BEND4: variants seen among roughly 807,000 people sequenced by gnomAD.
The protein encoded by BEND4 is BEN domain-containing protein 4.
BEND4 carries 27 observed loss-of-function variants against 54.7 expected under a neutral mutation model. That is an observed-to-expected ratio of 0.49 (90% CI 0.36 to 0.68). The LOEUF is 0.68. BEND4 is among the 30% of genes least tolerant of loss of function. BEND4 has a pLI of 0.00. For synonymous variants in BEND4, 327 were observed against 299.5 expected (o/e 1.09, Z -0.95); for missense variants, 702 against 697.2 (o/e 1.01, Z -0.08).
intron 4 of BEND4, among the ~76,000 whole-genome samples, chr4:42,122,605 G>A (rs905307557): frequency 1.3e-5 from 2 of 152,100 alleles, no homozygotes; most frequent in African/African-American, 4.8e-5. Flanking sequence ...CATAGATGAG[G>A]AGCCACTAAA....
rs1719632157 is a variant in BEND4 at position 42,112,920 on chromosome 4, C to T, written c.*4598G>A. 1 of 152,190 alleles carries T rather than the reference C, an allele frequency of 6.6e-6. No individual in the cohort carries two copies. Among genetic ancestry groups the T allele is most frequent in the African/African-American group, 2.4e-5 (1 of 41,460 alleles). 9.4% of individuals were successfully genotyped at this position (152,190 alleles called of 1,614,324 possible). A position where few individuals can be genotyped will look rare whatever the true frequency, so the allele number is the denominator to read the frequency against. Reference sequence around the variant, plus strand: ...TGTAACTTTGCAGAGGACTACCCATCTGCTGGGTGACGTTTTCCTACATTA... The same window carrying T: ...TGTAACTTTGCAGAGGACTACCCATTTGCTGGGTGACGTTTTCCTACATTA... On this transcript the variant is annotated 3_prime_UTR_variant, in exon 6 of 6. Transcript: ENST00000502486.
chr4:42,144,323 C>T (rs1209936972), intron 2 of BEND4, among the ~76,000 whole-genome samples: 1 of 152,142 alleles, frequency 6.6e-6, no homozygotes, highest in African/African-American at 2.4e-5. Context: ...CATTAATATC[C>T]TTACTCTAAG....
rs1191826026 is a variant in BEND4, at chr4:42,113,760, GA to G, written c.*3757del. ...TCAATGTGTCTGTCACTGACAAAGGGATAAGGAACAATGCAGAATACCCGAT... is the reference window on the plus strand; with the variant it reads ...TCAATGTGTCTGTCACTGACAAAGGGTAAGGAACAATGCAGAATACCCGAT... On this transcript the variant is annotated 3_prime_UTR_variant, in exon 6 of 6. Transcript: ENST00000502486. 1 of 152,146 alleles carries G rather than the reference GA, an allele frequency of 6.6e-6. No homozygotes were observed. The highest frequency in any genetic ancestry group is 2.4e-5 in the African/African-American group (1 of 41,422). 9.4% of individuals were successfully genotyped at this position (152,146 alleles called of 1,614,324 possible). A position where few individuals can be genotyped will look rare whatever the true frequency, so the allele number is the denominator to read the frequency against.
intron 3 of BEND4, among the ~76,000 whole-genome samples, chr4:42,136,850 G>C (rs760342149): frequency 1.3e-5 from 2 of 152,184 alleles, no homozygotes; most frequent in South Asian, 4.1e-4. Context: ...CTCAACCAGC[G>C]TTAATTATTA....
chr4:42,142,080 T>C, intron 3 of BEND4, among the ~76,000 whole-genome samples: 1 of 118,114 alleles, frequency 8.5e-6, no homozygotes, highest in Non-Finnish European at 2.0e-5. Context: ...CTTTTGTGTA[T>C]TTTTTTAGTA....
intron 4 of BEND4, among the ~76,000 whole-genome samples, chr4:42,121,022 T>C (rs1720037867): frequency 6.6e-6 from 1 of 152,200 alleles, no homozygotes; most frequent in African/African-American, 2.4e-5. Flanking sequence ...TAAGCCATGT[T>C]TAATCAATTG....
In BEND4 at chr4:42,151,846, A is replaced by G; in HGVS notation, c.298T>C (p.Ser100Pro). The G allele has an allele frequency of 7.5e-7, 1 of 1,330,604 alleles. No individual in the cohort carries two copies. The allele number at this position is 1,330,604 out of a possible 1,614,324, so 82.4% of individuals were successfully genotyped here. A position where few individuals can be genotyped will look rare whatever the true frequency, so the allele number is the denominator to read the frequency against. ...GTGGCGGGCGTGCAGGACGGCGACG[A>G]CGACGAAGCGGCGGCGGCGGCCCGG... Reference protein sequence around the residue: ...PGRAAAAASSSSPSCTPATSQ... With the variant: ...PGRAAAAASSPSPSCTPATSQ... Residue 100 changes from serine to proline, a missense_variant, in exon 2 of 6, where the codon TCG becomes CCG. Ser to Pro is a moderately conservative substitution (Grantham distance 74, BLOSUM62 -1). Coordinates refer to ENST00000502486, the MANE Select transcript of BEND4 (RefSeq NM_207406.4).
rs188145079 is a variant in BEND4, at chr4:42,150,719, C to T, written c.487+938G>A. 3.3e-4 allele frequency among the ~76,000 whole-genome samples: 51 copies of T among 152,376 alleles called. 1 individual carries two copies. Among genetic ancestry groups the T allele is most frequent in the African/African-American group, 1.2e-3 (49 of 41,590 alleles). ...GTGGCCTCGCAACCAGCCCATCTCG[C>T]TCCCTGCAGGCAGGCAGTGGGCTGC... On this transcript the variant is annotated intron_variant, in intron 2 of 5. Transcript: ENST00000502486.
chr4:42,135,010 A>C (rs920693646), intron 3 of BEND4, among the ~76,000 whole-genome samples: 4 of 152,176 alleles, frequency 2.6e-5, no homozygotes, highest in Non-Finnish European at 5.9e-5. Context: ...TACTCCATAG[A>C]CTATTTGAAG....
chr4:42,112,779 T>C lies in BEND4; in HGVS notation c.*4739A>G, dbSNP rs1284982643. 6.6e-6 allele frequency: 1 copy of C among 152,130 alleles called. No homozygotes were observed. The highest frequency in any genetic ancestry group is 1.5e-5 in the Non-Finnish European group (1 of 68,012). The allele number at this position is 152,130 out of a possible 1,614,324, so 9.4% of individuals were successfully genotyped here. A position where few individuals can be genotyped will look rare whatever the true frequency, so the allele number is the denominator to read the frequency against. On this transcript the variant is annotated 3_prime_UTR_variant, in exon 6 of 6. Coordinates refer to ENST00000502486, the MANE Select transcript of BEND4 (RefSeq NM_207406.4). The stretch of plus-strand genomic sequence containing the variant: ...TTACATTTTACATTTAGAAGGCAAA[T>C]ATTGATGGGTTATTATTTTTGCACT...
intron 3 of BEND4, among the ~76,000 whole-genome samples, chr4:42,126,200 A>T (rs1720275677): frequency 6.6e-6 from 1 of 152,244 alleles, no homozygotes; most frequent in African/African-American, 2.4e-5. Context: ...TTCACTGAGA[A>T]CTTTCAAGTC....
At chr4:42,139,728 C>T (rs967141531) in intron 3 of BEND4, among the ~76,000 whole-genome samples, 5 of 152,246 alleles carry the variant, frequency 3.3e-5, no homozygotes, top group South Asian at 2.1e-4. Flanking sequence ...CTGAGCGTTG[C>T]GTTCTCCTTT....
intron 5 of BEND4, among the ~76,000 whole-genome samples, chr4:42,118,845 A>G (rs1396872673): frequency 1.3e-5 from 2 of 152,118 alleles, no homozygotes; most frequent in Admixed American, 1.3e-4. Flanking sequence ...GGCAGGACAG[A>G]CCCTGGAAAT....
rs1719566666 is a variant in BEND4, at chr4:42,111,469, G to A, written c.*6049C>T. 6.6e-6 allele frequency: 1 copy of A among 152,202 alleles called. No homozygotes were observed. The highest frequency in any genetic ancestry group is 1.9e-4 in the East Asian group (1 of 5,194). 9.4% of individuals were successfully genotyped at this position (152,202 alleles called of 1,614,324 possible). A position where few individuals can be genotyped will look rare whatever the true frequency, so the allele number is the denominator to read the frequency against. ...TGCCTAAATTGCGCAGGGTCGGGCT[G>A]GAACAGTGACCTTGAAAGCTTCATG... On this transcript the variant is annotated 3_prime_UTR_variant, in exon 6 of 6. Transcript: ENST00000502486.
intron 2 of BEND4, 79 bp downstream of exon 2, chr4:42,151,577 GC>G (rs1721285374): frequency 7.4e-7 from 1 of 1,352,962 alleles, no homozygotes. Context: ...AGTGTCGGCG[GC>G]CCCCCGCTTC....
At chr4:42,122,426 C>A (rs887624782) in intron 4 of BEND4, among the ~76,000 whole-genome samples, 12 of 152,192 alleles carry the variant, frequency 7.9e-5, no homozygotes, top group African/African-American at 2.9e-4. Context: ...CAGCTCCTCA[C>A]ACAATGCAGG....
In BEND4 at chr4:42,152,276, G is replaced by GGCC. The variant is rs774629426; in HGVS notation, c.-136_-134dup. Reference sequence around the variant, plus strand: ...GTGGGAGGGTGTGTGTCTGTGCCGTGGCCGCCGCCGCCGCCGCCTGTCGCT... The same window carrying GGCC: ...GTGGGAGGGTGTGTGTCTGTGCCGTGGCCGCCGCCGCCGCCGCCGCCTGTCGCT... On this transcript the variant is annotated 5_prime_UTR_variant, in exon 2 of 6. Transcript: ENST00000502486. 92 of 924,982 alleles carry GGCC rather than the reference G, an allele frequency of 9.9e-5. No individual in the cohort carries two copies. Among genetic ancestry groups the GGCC allele is most frequent in the East Asian group, 7.2e-4 (20 of 27,804 alleles). 57.3% of individuals were successfully genotyped at this position (924,982 alleles called of 1,614,324 possible). A position where few individuals can be genotyped will look rare whatever the true frequency, so the allele number is the denominator to read the frequency against.
intron 5 of BEND4, among the ~76,000 whole-genome samples, chr4:42,118,681 C>T (rs943787314): frequency 2.0e-5 from 3 of 152,118 alleles, no homozygotes; most frequent in African/African-American, 7.2e-5. Flanking sequence ...GCGATGAGAC[C>T]CCTTATTTGG....
chr4:42,135,643 G>A (rs1160708764), intron 3 of BEND4, among the ~76,000 whole-genome samples: 4 of 151,952 alleles, frequency 2.6e-5, no homozygotes, highest in Non-Finnish European at 4.4e-5. Context: ...GGCGTGGTGA[G>A]GGGCGCCTGT....
Sources: gnomAD v4.1 joint callset for allele counts (sites outside exome capture counted in the v4.1 genomes callset) on GRCh38, gnomAD v4.1.1 for gene constraint, MANE v1.5 for transcripts, NCBI Gene and HGNC (gene_info 2026-07-23, HGNC 2026-07-21) for gene names.